CNN3: variants seen among roughly 807,000 people sequenced by gnomAD.
The protein encoded by CNN3 is calponin 3, also known as calponin-3.
Under a neutral mutation model 39.0 loss-of-function variants are expected in CNN3, and 11 were observed. The observed-to-expected ratio is 0.28, with a 90% CI of 0.18 to 0.47. The LOEUF is 0.47. CNN3 is among the 20% of genes least tolerant of loss of function. The pLI is 0.99. For missense variants in CNN3, 266 were observed against 403.4 expected (o/e 0.66, Z 2.92); for synonymous variants, 101 against 138.3 (o/e 0.73, Z 1.89).
At chr1:94,923,214 T>C (rs1671492963) in intron 1 of CNN3, among the ~76,000 whole-genome samples, 1 of 152,232 alleles carries the variant, frequency 6.6e-6, no homozygotes, top group Non-Finnish European at 1.5e-5. Context: ...GTACCTGTTA[T>C]GTTTTTTCAT....
At chr1:94,919,815 C>A (rs1207913863) in intron 1 of CNN3, among the ~76,000 whole-genome samples, 1 of 152,122 alleles carries the variant, frequency 6.6e-6, no homozygotes, top group African/African-American at 2.4e-5. Flanking sequence ...ATTCCCTGGC[C>A]TTCCCACCGC....
At chr1:94,908,213 A>G (rs1035608676) in intron 1 of CNN3, among the ~76,000 whole-genome samples, 1 of 152,214 alleles carries the variant, frequency 6.6e-6, no homozygotes, top group Non-Finnish European at 1.5e-5. Context: ...AAGATAATGA[A>G]GACCAAGAAA....
At chr1:94,903,761 A>C (rs1054445989) in intron 1 of CNN3, among the ~76,000 whole-genome samples, 1 of 152,224 alleles carries the variant, frequency 6.6e-6, no homozygotes, top group African/African-American at 2.4e-5. Flanking sequence ...GCTGGGACTG[A>C]CAAGGAGAGA....
chr1:94,915,707 G>A (rs1041232076), intron 1 of CNN3, among the ~76,000 whole-genome samples: 5 of 152,180 alleles, frequency 3.3e-5, no homozygotes, highest in Admixed American at 2.6e-4. Flanking sequence ...AAAGAGGAGA[G>A]TGAACCAGTG....
At chr1:94,917,156 T>G (rs1017005883) in intron 1 of CNN3, among the ~76,000 whole-genome samples, 1 of 152,092 alleles carries the variant, frequency 6.6e-6, no homozygotes, top group African/African-American at 2.4e-5. Flanking sequence ...CCTGCCTCAG[T>G]CTCCTGAGGA....
At position 94,908,302 on chromosome 1, in the gene CNN3, G is replaced by A. The variant is rs182490173; in HGVS notation, c.58-4778C>T. ...TGGCCTGCTCTGCTCTCGCTCCTCC[G>A]ACAGCTTCACCTGCTCCTCTTCATG... On this transcript the variant is annotated intron_variant, in intron 1 of 6. Transcript: ENST00000370206. Among the ~76,000 whole-genome samples the A allele has an allele frequency of 9.7e-4, 148 of 152,256 alleles. No individual in the cohort carries two copies. The Middle Eastern group carries it at 0.031, about 31-fold the overall frequency.
At chr1:94,898,196 A>G (rs1422794064) in intron 6 of CNN3, 113 bp from the exon 7 acceptor site, 14 of 1,129,488 alleles carry the variant, frequency 1.2e-5, no homozygotes, top group Non-Finnish European at 1.7e-5. Context: ...ATGAACTTTC[A>G]TTTGGTTCAG....
rs1228024368 is a variant in CNN3, at chr1:94,911,326, AG to A, written c.58-7803del. Among the ~76,000 whole-genome samples the A allele has an allele frequency of 2.0e-5, 3 of 152,236 alleles. No individual in the cohort carries two copies. The East Asian group carries it at 5.8e-4, about 29-fold the overall frequency. On this transcript the variant is annotated intron_variant, in intron 1 of 6. Transcript: ENST00000370206. ...TAAAGTCCAGGAGCATTTTAAAGCC[AG>A]GTCCTCCTCTCAGAGGTACAACTGT... is the stretch of plus-strand genomic sequence containing the variant.
rs1166111821 is a variant in CNN3, at chr1:94,903,418, C to T, written c.164G>A (p.Gly55Asp). 1 of 1,601,538 alleles carries T rather than the reference C, an allele frequency of 6.2e-7. No homozygotes were observed. ...TGTAACTCACTCGCAGAGGATGATG[C>T]CATCCTTTAAGCCCAGCTGGAAGTT... ...GPNFQLGLKDGIILCELINKL... is the reference protein window; with the variant it reads ...GPNFQLGLKDDIILCELINKL... The change falls in exon 2 of 7, where the codon GGC (glycine) becomes GAC (aspartate). Residue 55 changes from glycine to aspartate, a missense_variant. Transcript: ENST00000370206.
intron 1 of CNN3, among the ~76,000 whole-genome samples, chr1:94,920,276 C>T (rs1036337295): frequency 2.6e-5 from 4 of 152,154 alleles, no homozygotes; most frequent in Non-Finnish European, 5.9e-5. Context: ...TGGATAAGGA[C>T]TCTGGGGCAG....
At chr1:94,904,780 G>A (rs1289382887) in intron 1 of CNN3, among the ~76,000 whole-genome samples, 1 of 152,014 alleles carries the variant, frequency 6.6e-6, no homozygotes, top group Admixed American at 6.6e-5. Flanking sequence ...CCACAGCTGG[G>A]AAGAAGGAAA....
intron 1 of CNN3, among the ~76,000 whole-genome samples, chr1:94,905,377 A>G (rs1240272983): frequency 6.6e-6 from 1 of 152,136 alleles, no homozygotes; most frequent in African/African-American, 2.4e-5. Context: ...AAGGCTCACC[A>G]TGCACCTGAG....
At chr1:94,908,756 G>C (rs754312085) in intron 1 of CNN3, among the ~76,000 whole-genome samples, 2 of 152,032 alleles carry the variant, frequency 1.3e-5, no homozygotes, top group Non-Finnish European at 2.9e-5. Context: ...GGTCAGGCTG[G>C]TCTTGAACTC....
At chr1:94,920,492 T>C (rs912371177) in intron 1 of CNN3, among the ~76,000 whole-genome samples, 44 of 152,174 alleles carry the variant, frequency 2.9e-4, no homozygotes, top group African/African-American at 9.7e-4. Flanking sequence ...AATGAAACCA[T>C]GGCTAAAATT....
chr1:94,915,715 G>C (rs897292679), intron 1 of CNN3, among the ~76,000 whole-genome samples: 10 of 152,180 alleles, frequency 6.6e-5, no homozygotes, highest in African/African-American at 2.4e-4. Flanking sequence ...GAGTGAACCA[G>C]TGCCCAAGCT....
intron 1 of CNN3, among the ~76,000 whole-genome samples, chr1:94,917,165 G>A (rs1056631223): frequency 4.6e-5 from 7 of 152,122 alleles, no homozygotes; most frequent in African/African-American, 1.7e-4. Context: ...GTCTCCTGAG[G>A]AGCTGGGATT....
At chr1:94,902,364 CTGTT>C in intron 3 of CNN3, 106 bp from the exon 4 acceptor site, 1 of 980,650 alleles carries the variant, frequency 1.0e-6, no homozygotes, top group African/African-American at 1.6e-5. Flanking sequence ...GCCCAGAAAG[CTGTT>C]TGACAAGGAT....
chr1:94,905,350 TCCAGG>T (rs1670969156), intron 1 of CNN3, among the ~76,000 whole-genome samples: 2 of 152,138 alleles, frequency 1.3e-5, no homozygotes, highest in African/African-American at 2.4e-5. Flanking sequence ...ATGTCTACAT[TCCAGG>T]TCCCCCTCTT....
At chr1:94,919,386 G>C (rs979980448) in intron 1 of CNN3, among the ~76,000 whole-genome samples, 2 of 152,188 alleles carry the variant, frequency 1.3e-5, no homozygotes, top group African/African-American at 4.8e-5. Flanking sequence ...GAATATGATT[G>C]CTGTTGCTAT....
Sources: allele counts gnomAD v4.1 joint callset (sites outside exome capture counted in the v4.1 genomes callset), GRCh38; gene constraint gnomAD v4.1.1; transcripts MANE v1.5; gene names NCBI Gene and HGNC (gene_info 2026-07-23, HGNC 2026-07-21).